P4HTM: variants seen among roughly 807,000 people sequenced by gnomAD.
The protein encoded by P4HTM is transmembrane prolyl 4-hydroxylase.
P4HTM carries 33 observed loss-of-function variants against 55.3 expected under a neutral mutation model. The ratio of observed to expected loss-of-function variants is 0.60; its 90% CI spans 0.45 to 0.80. The LOEUF is 0.80. Ranked by LOEUF, P4HTM falls within the 30% of genes least tolerant of loss-of-function variation. The pLI, the probability that P4HTM is intolerant of heterozygous loss-of-function variation, is 0.00. For synonymous variants in P4HTM, 272 were observed against 286.4 expected, an observed-to-expected ratio of 0.95 and a Z score of 0.51; for missense variants, 542 against 696.5, an observed-to-expected ratio of 0.78 and a Z score of 2.50.
Position 49,002,683 on chromosome 3 carries a change from C to T in P4HTM, c.724+87C>T, listed in dbSNP as rs2092965071. ...AATTTTGAAAACTTGGGCCCTTCCC[C>T]CACAGCCAGGCAGCCTCTCTGCACC... is the stretch of plus-strand genomic sequence containing the variant. On this transcript the variant is annotated intron_variant, in intron 4 of 8. Coordinates refer to ENST00000383729, the MANE Select transcript of P4HTM (RefSeq NM_177939.3). This position sits in a 1 kb window ranked among gnomAD's most constrained non-coding sequence, Gnocchi z 4.4. 3.0e-6 allele frequency: 3 copies of T among 1,001,272 alleles called. No homozygotes were observed. In the South Asian group the frequency reaches 3.8e-5, roughly 13 times the overall value. 62.0% of individuals were successfully genotyped at this position (1,001,272 alleles called of 1,614,324 possible).
intron 2 of P4HTM, among the ~76,000 whole-genome samples, chr3:48,994,987 GAT>G (rs2092941446): frequency 6.6e-6 from 1 of 152,056 alleles, no homozygotes; most frequent in Non-Finnish European, 1.5e-5. Context: ...TTTTAGTAGA[GAT>G]GGGGTTTCAC....
chr3:49,001,058 TCC>T (rs964836385), intron 2 of P4HTM: 2 of 294,564 alleles, frequency 6.8e-6, no homozygotes, highest in Admixed American at 9.1e-5. Context: ...AGCCACCATC[TCC>T]CCACTTTAAA....
chr3:48,990,710 C>G lies in P4HTM; in HGVS notation c.354+100C>G. The G allele has an allele frequency of 6.8e-7, 1 of 1,469,042 alleles. No individual in the cohort carries two copies. Among genetic ancestry groups the G allele is most frequent in the East Asian group, 2.5e-5 (1 of 40,450 alleles). The allele number at this position is 1,469,042 out of a possible 1,614,324, so 91.0% of individuals were successfully genotyped here. ...TCCCCACGCTGCCCCCGGCGCTGCT[C>G]TGCGTCGGTCCCGCGCGCTCCCACT... On this transcript the variant is annotated intron_variant, in intron 1 of 8. Coordinates refer to ENST00000383729, the MANE Select transcript of P4HTM (RefSeq NM_177939.3). This position sits in a 1 kb window ranked among gnomAD's most constrained non-coding sequence, Gnocchi z 7.2.
chr3:48,994,808 T>C (rs2092940849), intron 2 of P4HTM, among the ~76,000 whole-genome samples: 1 of 152,098 alleles, frequency 6.6e-6, no homozygotes, highest in African/African-American at 2.4e-5. Flanking sequence ...TTTGTTTTGT[T>C]TTTGTTTTGA....
At chr3:48,998,256 CAA>C in intron 2 of P4HTM, 1 of 152,452 alleles carries the variant, frequency 6.6e-6, no homozygotes, top group East Asian at 1.9e-4. Context: ...GAAGCGTCCA[CAA>C]TGCAGGATGG....
chr3:49,004,569 TAAAC>T (rs2106668131), intron 5 of P4HTM: 1 of 554,232 alleles, frequency 1.8e-6, no homozygotes, highest in African/African-American at 1.9e-5. Flanking sequence ...GGTTTTTAAA[TAAAC>T]AACTTTCTTC....
rs2092969200 is a variant in P4HTM, at chr3:49,004,022, G to A, written c.725-76G>A. The A allele has an allele frequency of 2.1e-6, 3 of 1,415,740 alleles. No individual in the cohort carries two copies. The South Asian group carries it at 4.1e-5, about 19-fold the overall frequency. The allele number at this position is 1,415,740 out of a possible 1,614,324, so 87.7% of individuals were successfully genotyped here. The stretch of plus-strand genomic sequence containing the variant: ...AGGGGCTGCTGCTGCCTTTGGGGTA[G>A]GTAGGGAAGTGCAGCCTGCCACTGT... On this transcript the variant is annotated intron_variant, in intron 4 of 8. Transcript: ENST00000383729.
In P4HTM at chr3:48,990,846, G is replaced by A. The variant is rs773579955; in HGVS notation, c.368G>A (p.Arg123His). Residue 123 changes from arginine to histidine, a missense_variant, in exon 2 of 9, where the codon CGT becomes CAT. Transcript: ENST00000383729. This position sits in a 1 kb window ranked among gnomAD's most constrained non-coding sequence, Gnocchi z 7.2. Reference protein sequence around the residue: ...RLEGIKVGHERKVQLVTDRDH... With the variant: ...RLEGIKVGHEHKVQLVTDRDH... ...CCTTTTCCTTAGGTGGGGCACGAGC[G>A]TAAGGTCCAGCTGGTCACCGACAGG... The A allele has an allele frequency of 1.4e-5, 23 of 1,613,768 alleles. No homozygotes were observed. The highest frequency in any genetic ancestry group is 1.9e-5 in the Non-Finnish European group (23 of 1,179,822).
chr3:49,004,643 C>T (rs2092971085), intron 5 of P4HTM: 1 of 589,662 alleles, frequency 1.7e-6, no homozygotes, highest in Non-Finnish European at 3.0e-6. Context: ...TCAACATTTC[C>T]ACATAGCAGG....
In P4HTM at chr3:48,990,704, G is replaced by T. The variant is rs2092928547; in HGVS notation, c.354+94G>T. 4 of 1,460,194 alleles carry T rather than the reference G, an allele frequency of 2.7e-6. No individual in the cohort carries two copies. The highest frequency in any genetic ancestry group is 1.4e-5 in the African/African-American group (1 of 70,902). The allele number at this position is 1,460,194 out of a possible 1,614,324, so 90.5% of individuals were successfully genotyped here. A position where few individuals can be genotyped will look rare whatever the true frequency, so the allele number is the denominator to read the frequency against. On this transcript the variant is annotated intron_variant, in intron 1 of 8. Transcript: ENST00000383729. The surrounding 1 kb of genome is among the most constrained non-coding windows in gnomAD (Gnocchi z 7.2). ...CCCGGGTCCCCACGCTGCCCCCGGC[G>T]CTGCTCTGCGTCGGTCCCGCGCGCT...
In P4HTM at chr3:49,001,501, G is replaced by A; in HGVS notation, c.500G>A (p.Gly167Glu). 1 of 1,613,936 alleles carries A rather than the reference G, an allele frequency of 6.2e-7. No individual in the cohort carries two copies. The highest frequency in any genetic ancestry group is 8.5e-7 in the Non-Finnish European group (1 of 1,180,006). ...RLIIHLAQMK[G>E]LQRSQILPTE... ...ATCATCCATCTGGCGCAGATGAAGG[G>A]GTTACAGCGCAGCCAGATCCTGCCT... The change falls in exon 3 of 9, where the codon GGG becomes GAG. Residue 167 changes from glycine to glutamate, a missense_variant. Transcript: ENST00000383729.
At chr3:49,003,691 G>T (rs1406531948) in intron 4 of P4HTM, 3 of 161,842 alleles carry the variant, frequency 1.9e-5, no homozygotes, top group Non-Finnish European at 4.0e-5. Context: ...TAAGGCCCTG[G>T]ATGAGGCCCA....
At position 48,990,549 on chromosome 3, in the gene P4HTM, G is replaced by A. The variant is rs1383933542; in HGVS notation, c.293G>A (p.Arg98His). The A allele has an allele frequency of 1.2e-6, 2 of 1,609,996 alleles. No individual in the cohort carries two copies. The highest frequency in any genetic ancestry group is 1.3e-5 in the African/African-American group (1 of 74,836). The change falls in exon 1 of 9, where the codon CGT (arginine) becomes CAT (histidine). Residue 98 changes from arginine (R) to histidine (H), a missense_variant. Physicochemically the swap from Arg to His is conservative, Grantham distance 29. Coordinates refer to ENST00000383729, the MANE Select transcript of P4HTM (RefSeq NM_177939.3). The surrounding 1 kb of genome is among the most constrained non-coding windows in gnomAD (Gnocchi z 7.2). ...DESSDPGPQHRAQGPGPEPTL... is the reference protein window; with the variant it reads ...DESSDPGPQHHAQGPGPEPTL... ...AGCAGCGATCCCGGGCCCCAACACC[G>A]TGCCCAGGGCCCCGGGCCCGAGCCC...
At chr3:49,003,073 G>A (rs1055959333) in intron 4 of P4HTM, 6 of 303,492 alleles carry the variant, frequency 2.0e-5, no homozygotes, top group African/African-American at 1.1e-4. Flanking sequence ...ATGCCGAAGC[G>A]CCTAAAATGG....
chr3:48,990,680 C>A lies in P4HTM; in HGVS notation c.354+70C>A. On this transcript the variant is annotated intron_variant, in intron 1 of 8. Coordinates refer to ENST00000383729, the MANE Select transcript of P4HTM (RefSeq NM_177939.3). The surrounding 1 kb of genome is among the most constrained non-coding windows in gnomAD (Gnocchi z 7.2). ...GAGCCCGAGAGGACCGGCGCTCAGC[C>A]CGGGTCCCCACGCTGCCCCCGGCGC... 2 of 1,473,666 alleles carry A rather than the reference C, an allele frequency of 1.4e-6. No individual in the cohort carries two copies. Among genetic ancestry groups the A allele is most frequent in the South Asian group, 1.4e-5 (1 of 74,054 alleles). The allele number at this position is 1,473,666 out of a possible 1,614,324, so 91.3% of individuals were successfully genotyped here. A position where few individuals can be genotyped will look rare whatever the true frequency, so the allele number is the denominator to read the frequency against.
Position 49,003,977 on chromosome 3 carries a change from G to T in P4HTM, c.725-121G>T, listed in dbSNP as rs2092969061. On this transcript the variant is annotated intron_variant, in intron 4 of 8. Coordinates refer to ENST00000383729, the MANE Select transcript of P4HTM (RefSeq NM_177939.3). ...TCCAGGTGGGGGACAAGTGTACAAGGCCCCTCAGTGCCTGAGGTCAGGGGC... is the reference window on the plus strand; with the variant it reads ...TCCAGGTGGGGGACAAGTGTACAAGTCCCCTCAGTGCCTGAGGTCAGGGGC... 1.8e-5 allele frequency: 16 copies of T among 900,748 alleles called. 1 individual carries two copies. The highest frequency in any genetic ancestry group is 1.4e-4 in the South Asian group (8 of 57,690). 55.8% of individuals were successfully genotyped at this position (900,748 alleles called of 1,614,324 possible).
intron 3 of P4HTM, 150 bp downstream of exon 3, chr3:49,001,778 T>A: frequency 1.5e-6 from 1 of 675,204 alleles, no homozygotes; most frequent in East Asian, 2.7e-5. Context: ...GGAGGTCCCC[T>A]TTCCCTCTGG....
At chr3:48,994,924 C>A (rs1033061009) in intron 2 of P4HTM, among the ~76,000 whole-genome samples, 1 of 152,096 alleles carries the variant, frequency 6.6e-6, no homozygotes, top group Non-Finnish European at 1.5e-5. Context: ...CTCAACCTTC[C>A]AAACAGCCGG....
rs964937615 is a variant in P4HTM at position 49,001,573 on chromosome 3, T to C, written c.572T>C (p.Leu191Pro). Reference protein sequence around the residue: ...EAMSTMQVSQLDLFRLLDQNR... With the variant: ...EAMSTMQVSQPDLFRLLDQNR... ...ATGAGCACTATGCAGGTCAGCCAGC[T>C]GGACCTCTTCCGGCTGCTGGACCAG... is the stretch of plus-strand genomic sequence containing the variant. Residue 191 changes from leucine to proline, a missense_variant, in exon 3 of 9, where the codon CTG becomes CCG. Transcript: ENST00000383729. The C allele has an allele frequency of 3.7e-6, 6 of 1,613,662 alleles. No homozygotes were observed. The highest frequency in any genetic ancestry group is 1.7e-5 in the Admixed American group (1 of 60,012).
Sources: allele counts gnomAD v4.1 joint callset (sites outside exome capture counted in the v4.1 genomes callset), GRCh38; gene constraint gnomAD v4.1.1; non-coding constraint Gnocchi (gnomAD v3.1); transcripts MANE v1.5; gene names NCBI Gene and HGNC (gene_info 2026-07-23, HGNC 2026-07-21).